Variants in MID1 observed in about 807,000 individuals in gnomAD.
MID1 encodes the protein midline 1.
A neutral mutation model predicts 40.4 loss-of-function variants in MID1; 7 were observed. The observed-to-expected ratio is 0.17, with a 90% CI of 0.10 to 0.33. The LOEUF is 0.33. MID1 is among the 10% of genes least tolerant of loss of function. The pLI is 1.00. For missense variants in MID1, 367 were observed against 558.5 expected (o/e 0.66, Z 3.46); for synonymous variants, 229 against 221.2 (o/e 1.04, Z -0.31).
intron 1 of MID1, among the ~76,000 whole-genome samples, chrX:10,717,929 C>T (rs1004705684): frequency 8.9e-6 from 1 of 111,756 alleles, no homozygotes; most frequent in Admixed American, 9.5e-5. Flanking sequence ...AACTGAACAA[C>T]CTGCTCCTGA....
At chrX:10,572,431 A>T (rs1296828936) in intron 1 of MID1, among the ~76,000 whole-genome samples, 2 of 109,601 alleles carry the variant, frequency 1.8e-5, no homozygotes, top group African/African-American at 6.7e-5. Context: ...TGCGCCTGTG[A>T]TTCCATCTAC....
chrX:10,536,180 G>A (rs768775314), intron 2 of MID1, among the ~76,000 whole-genome samples: 67 of 111,776 alleles, frequency 6.0e-4, no homozygotes, highest in Non-Finnish European at 1.2e-3. Flanking sequence ...AGCCATGATC[G>A]TGCCACTGCA....
intron 1 of MID1, among the ~76,000 whole-genome samples, chrX:10,824,338 G>T (rs2044200299): frequency 8.9e-6 from 1 of 112,058 alleles, no homozygotes; most frequent in African/African-American, 3.2e-5. Flanking sequence ...TTTTCTCTTT[G>T]CTGGGACCTT....
chrX:10,609,823 T>C (rs998179322), intron 1 of MID1, among the ~76,000 whole-genome samples: 1 of 106,473 alleles, frequency 9.4e-6, no homozygotes, highest in African/African-American at 3.4e-5. Flanking sequence ...GTTCACGCCA[T>C]TCTCCTGCCT....
chrX:10,743,472 T>C (rs2043539079), intron 1 of MID1, among the ~76,000 whole-genome samples: 1 of 112,396 alleles, frequency 8.9e-6, no homozygotes. Context: ...CTTTGTTCCA[T>C]GTTCCAGGAT....
At chrX:10,770,358 C>A (rs1172459780) in intron 1 of MID1, among the ~76,000 whole-genome samples, 3 of 112,251 alleles carry the variant, frequency 2.7e-5, no homozygotes, top group Non-Finnish European at 3.8e-5. Flanking sequence ...ACTGGCTCCT[C>A]ACTCTGTGTT....
intron 1 of MID1, among the ~76,000 whole-genome samples, chrX:10,675,895 T>C (rs776347196): frequency 1.6e-4 from 18 of 111,694 alleles, no homozygotes; most frequent in Non-Finnish European, 3.0e-4. Flanking sequence ...AGAACTCCTC[T>C]GCATACAGAC....
intron 1 of MID1, among the ~76,000 whole-genome samples, chrX:10,739,398 A>G (rs765277013): frequency 2.7e-5 from 3 of 111,963 alleles, no homozygotes; most frequent in Non-Finnish European, 5.6e-5. Flanking sequence ...TCTGGTATTG[A>G]TTTTTAAAAT....
At chrX:10,452,914 AATT>A (rs2147257435) in intron 9 of MID1, among the ~76,000 whole-genome samples, 1 of 112,173 alleles carries the variant, frequency 8.9e-6, no homozygotes, top group South Asian at 3.7e-4. Flanking sequence ...TATCATAATT[AATT>A]ATTAATAGAG....
At chrX:10,583,221 A>G (rs1602435521) in intron 1 of MID1, among the ~76,000 whole-genome samples, 2 of 112,293 alleles carry the variant, frequency 1.8e-5, no homozygotes, top group African/African-American at 6.5e-5. Flanking sequence ...GAAGGAAATA[A>G]AAAAATAAAA....
chrX:10,830,087 C>T (rs1298916299), intron 1 of MID1, among the ~76,000 whole-genome samples: 2 of 112,182 alleles, frequency 1.8e-5, no homozygotes, highest in Admixed American at 9.5e-5. Context: ...ATCAAGTGGT[C>T]CTTCCTCTAT....
chrX:10,753,422 T>C (rs962399568), intron 1 of MID1, among the ~76,000 whole-genome samples: 8 of 111,218 alleles, frequency 7.2e-5, no homozygotes, highest in Non-Finnish European at 1.5e-4. Flanking sequence ...TGCTCATATA[T>C]AATTTCAGAT....
Position 10,482,461 on chromosome X carries a change from C to G in MID1, c.1013+19G>C. On this transcript the variant is annotated intron_variant, in intron 5 of 9. Coordinates refer to ENST00000317552, the MANE Select transcript of MID1 (RefSeq NM_000381.4). ...AAGAGCCCAGCAGCCGAGAAATTCC[C>G]AGGGGCCCCTGCACTCACCTCTCGG... is the stretch of plus-strand genomic sequence containing the variant. 2.5e-6 allele frequency: 3 copies of G among 1,209,032 alleles called. No individual in the cohort carries two copies. Among genetic ancestry groups the G allele is most frequent in the Non-Finnish European group, 3.4e-6 (3 of 894,521 alleles).
At chrX:10,610,229 C>G (rs1195482978) in intron 1 of MID1, among the ~76,000 whole-genome samples, 4 of 112,124 alleles carry the variant, frequency 3.6e-5, no homozygotes, top group Admixed American at 1.9e-4. Flanking sequence ...CTCACACAGG[C>G]TGGTTAGACA....
intron 2 of MID1, among the ~76,000 whole-genome samples, chrX:10,535,888 T>C (rs1427061402): frequency 9.0e-6 from 1 of 111,147 alleles, no homozygotes; most frequent in Non-Finnish European, 1.9e-5. Flanking sequence ...GTCTAAAAGG[T>C]AAATTGCAAA....
intron 1 of MID1, among the ~76,000 whole-genome samples, chrX:10,782,836 C>G (rs111807492): frequency 0.045 from 5,040 of 111,617 alleles, 245 homozygotes; most frequent in African/African-American, 0.15. Flanking sequence ...ACTGTTCAAA[C>G]TGTGGCCCTG....
chrX:10,501,680 G>T, intron 3 of MID1: 3 of 543,071 alleles, frequency 5.5e-6, no homozygotes, highest in Non-Finnish European at 8.6e-6. Flanking sequence ...CTTCATTAAT[G>T]CTCATATCTG....
chrX:10,539,066 C>T (rs777984699), intron 2 of MID1, among the ~76,000 whole-genome samples: 1 of 112,250 alleles, frequency 8.9e-6, no homozygotes, highest in African/African-American at 3.2e-5. Context: ...ATGGACCATG[C>T]AATAAATCTT....
At chrX:10,700,705 G>A (rs1021258366) in intron 1 of MID1, among the ~76,000 whole-genome samples, 1 of 112,017 alleles carries the variant, frequency 8.9e-6, no homozygotes, top group African/African-American at 3.2e-5. Context: ...GACATCTTAG[G>A]AAAAAAACTA....
Sources: allele counts gnomAD v4.1 joint callset (sites outside exome capture counted in the v4.1 genomes callset), GRCh38; gene constraint gnomAD v4.1.1; transcripts MANE v1.5; gene names NCBI Gene and HGNC (gene_info 2026-07-23, HGNC 2026-07-21).